Variants in CRMP1 observed in about 807,000 individuals in gnomAD.
CRMP1 encodes the protein dihydropyrimidinase-related protein 1.
A neutral mutation model predicts 68.3 loss-of-function variants in CRMP1; 19 were observed. That is an observed-to-expected ratio of 0.28 (90% CI 0.19 to 0.41). CRMP1 has a LOEUF of 0.41. Among genes scored for constraint, CRMP1 ranks in the 10% least tolerant of loss-of-function variants. The pLI is 1.00. For missense variants in CRMP1, 791 were observed against 967.4 expected (o/e 0.82, Z 2.42); for synonymous variants, 439 against 399.6 (o/e 1.10, Z -1.18).
chr4:5,821,841 T>C lies in CRMP1; in HGVS notation c.1980A>G (p.Ile660Met), dbSNP rs746005692. The C allele has an allele frequency of 1.3e-6, 2 of 1,585,118 alleles. No homozygotes were observed. Among genetic ancestry groups the C allele is most frequent in the Non-Finnish European group, 1.7e-6 (2 of 1,169,028 alleles). Residue 660 changes from isoleucine (I) to methionine (M), a missense_variant, in exon 14 of 14, where the codon ATA becomes ATG. This residue lies in a region of CRMP1 where 594 missense variants were observed against 763.6 expected (regional missense o/e 0.78). Transcript: ENST00000324989. This position sits in a 1 kb window ranked among gnomAD's most constrained non-coding sequence, Gnocchi z 4.4. ...QSNFSLSGAQ[I>M]DDNNPRRTGH... is the part of the protein sequence containing the mutation. ...CGGTGCGCCTGGGATTGTTGTCATC[T>C]ATCTGGGCACCTGAAAGAGAGCGCC...
rs115364905 is a variant in CRMP1 at position 5,854,970 on chromosome 4, C to T, written c.820+1173G>A. ...CACCGTAACAGGATTTATAATAAAA[C>T]GAATAGAAAGCATAAATGCCCAATA... On this transcript the variant is annotated intron_variant, in intron 4 of 13. Coordinates refer to ENST00000324989, the MANE Select transcript of CRMP1 (RefSeq NM_001014809.3). The surrounding 1 kb of genome is among the most constrained non-coding windows in gnomAD (Gnocchi z 4.0). 7.6e-3 allele frequency among the ~76,000 whole-genome samples: 1,162 copies of T among 151,964 alleles called. 13 individuals carry two copies. The highest frequency in any genetic ancestry group is 0.014 in the Middle Eastern group (4 of 294).
At chr4:5,887,488 C>T in intron 1 of CRMP1, 3 of 985,550 alleles carry the variant, frequency 3.0e-6, no homozygotes, top group Non-Finnish European at 3.6e-6. Context: ...GCTGCGCCCT[C>T]AGCTCCCCAC....
At chr4:5,868,265 A>C (rs758105348) in intron 1 of CRMP1, among the ~76,000 whole-genome samples, 63 of 12,782 alleles carry the variant, frequency 4.9e-3, no homozygotes, top group East Asian at 0.012. Flanking sequence ...ATATATCTAT[A>C]TATATATATA....
chr4:5,851,565 G>A lies in CRMP1; in HGVS notation c.821-96C>T, dbSNP rs949434182. 100 of 1,243,292 alleles carry A rather than the reference G, an allele frequency of 8.0e-5. 1 individual carries two copies. In the East Asian group the frequency reaches 2.1e-3, roughly 26 times the overall value. The allele number at this position is 1,243,292 out of a possible 1,614,324, so 77.0% of individuals were successfully genotyped here. A position where few individuals can be genotyped will look rare whatever the true frequency, so the allele number is the denominator to read the frequency against. ...ATGACCACAGAGCAGAGTGGTAGTCGCCAGGAGAGATGAGTGCCATTGGGA... is the reference window on the plus strand; with the variant it reads ...ATGACCACAGAGCAGAGTGGTAGTCACCAGGAGAGATGAGTGCCATTGGGA... On this transcript the variant is annotated intron_variant, in intron 4 of 13. Coordinates refer to ENST00000324989, the MANE Select transcript of CRMP1 (RefSeq NM_001014809.3).
chr4:5,881,762 A>C lies in CRMP1; in HGVS notation c.381+10827T>G, dbSNP rs1162978099. Among the ~76,000 whole-genome samples the C allele has an allele frequency of 6.6e-6, 1 of 152,164 alleles. No individual in the cohort carries two copies. Among genetic ancestry groups the C allele is most frequent in the Non-Finnish European group, 1.5e-5 (1 of 68,016 alleles). On this transcript the variant is annotated intron_variant, in intron 1 of 13. Transcript: ENST00000324989. The surrounding 1 kb of genome is among the most constrained non-coding windows in gnomAD (Gnocchi z 4.6). ...AACATAAATTTTAAACGCTGATCAA[A>C]ATTTAGCCACACATCGGCAGAGAAT...
chr4:5,851,902 AAGG>A (rs766987348), intron 4 of CRMP1, among the ~76,000 whole-genome samples: 2 of 145,010 alleles, frequency 1.4e-5, no homozygotes, highest in South Asian at 2.3e-4. Context: ...GAGGAAGAAA[AAGG>A]AGAAAGAGAA....
Position 5,853,604 on chromosome 4 carries a change from G to A in CRMP1, c.821-2135C>T, listed in dbSNP as rs140761252. ...TCCCACTACCGGCTGAAAATCCAAA[G>A]GAATTGAAATCAGAATACCCAGGGG... is the stretch of plus-strand genomic sequence containing the variant. On this transcript the variant is annotated intron_variant, in intron 4 of 13. Coordinates refer to ENST00000324989, the MANE Select transcript of CRMP1 (RefSeq NM_001014809.3). The surrounding 1 kb of genome is among the most constrained non-coding windows in gnomAD (Gnocchi z 4.7). Among the ~76,000 whole-genome samples, 11 of 152,164 alleles carry A rather than the reference G, an allele frequency of 7.2e-5. No individual in the cohort carries two copies. Among genetic ancestry groups the A allele is most frequent in the Non-Finnish European group, 1.6e-4 (11 of 68,042 alleles).
rs1417557034 is a variant in CRMP1, at chr4:5,833,412, C to T, written c.1623+2503G>A. On this transcript the variant is annotated intron_variant, in intron 11 of 13. Coordinates refer to ENST00000324989, the MANE Select transcript of CRMP1 (RefSeq NM_001014809.3). ...CGATCTCCTGACCTCGTGATCCGCC[C>T]GCCTCGGCCTCCCAAAGTGCTGGGA... Among the ~76,000 whole-genome samples the T allele has an allele frequency of 1.8e-4, 16 of 86,692 alleles. 5 individuals are homozygous for T. Among genetic ancestry groups the T allele is most frequent in the African/African-American group, 6.5e-4 (13 of 19,978 alleles). 56.9% of individuals were successfully genotyped at this position (86,692 alleles called of 152,430 possible). A position where few individuals can be genotyped will look rare whatever the true frequency, so the allele number is the denominator to read the frequency against.
chr4:5,866,510 G>A lies in CRMP1; in HGVS notation c.470+158C>T, dbSNP rs73797942. Among the ~76,000 whole-genome samples, 1,478 of 152,268 alleles carry A rather than the reference G, an allele frequency of 9.7e-3. 28 individuals carry two copies. The highest frequency in any genetic ancestry group is 0.034 in the African/African-American group (1,415 of 41,570). On this transcript the variant is annotated intron_variant, in intron 2 of 13. Coordinates refer to ENST00000324989, the MANE Select transcript of CRMP1 (RefSeq NM_001014809.3). The surrounding 1 kb of genome is among the most constrained non-coding windows in gnomAD (Gnocchi z 5.9). ...AGAAATGCCAGCCCCTTCTCCACCC[G>A]CAGTGTGCACCTCCCCCAACCTCTG...
chr4:5,892,460 C>G lies in CRMP1; in HGVS notation c.381+129G>C. The G allele has an allele frequency of 2.1e-6, 2 of 949,336 alleles. No homozygotes were observed. The highest frequency in any genetic ancestry group is 2.6e-6 in the Non-Finnish European group (2 of 758,356). The allele number at this position is 949,336 out of a possible 1,614,324, so 58.8% of individuals were successfully genotyped here. On this transcript the variant is annotated intron_variant, in intron 1 of 13. Coordinates refer to ENST00000324989, the MANE Select transcript of CRMP1 (RefSeq NM_001014809.3). The surrounding 1 kb of genome is among the most constrained non-coding windows in gnomAD (Gnocchi z 8.6). Reference sequence around the variant, plus strand: ...TGATGAGGTGGGGGAGGGGCCGCGCCGTGGCTCTCCCCAGCCTGGCGGCCG... The same window carrying G: ...TGATGAGGTGGGGGAGGGGCCGCGCGGTGGCTCTCCCCAGCCTGGCGGCCG...
rs990839422 is a variant in CRMP1, at chr4:5,860,748, A to G, written c.655+278T>C. ...GACTTCAGTCTCATGCTAAGCGATT[A>G]TATCAATGAGATGTTGTTTTATTTC... On this transcript the variant is annotated intron_variant, in intron 3 of 13. Transcript: ENST00000324989. This position sits in a 1 kb window ranked among gnomAD's most constrained non-coding sequence, Gnocchi z 4.2. 7.9e-5 allele frequency among the ~76,000 whole-genome samples: 12 copies of G among 152,148 alleles called. No homozygotes were observed. The highest frequency in any genetic ancestry group is 2.4e-4 in the African/African-American group (10 of 41,414).
intron 1 of CRMP1, among the ~76,000 whole-genome samples, chr4:5,868,907 T>C (rs971184147): frequency 1.3e-5 from 2 of 152,210 alleles, no homozygotes; most frequent in African/African-American, 4.8e-5. Flanking sequence ...ACGAAAACAC[T>C]AAGCACTCTT....
chr4:5,825,726 G>T lies in CRMP1; in HGVS notation c.1804-67C>A. 1 of 1,542,394 alleles carries T rather than the reference G, an allele frequency of 6.5e-7. No individual in the cohort carries two copies. ...ATGTGTGCCCTTCTGGGCAGATAAA[G>T]CAGAGCCCTGCGGGCGAGAGAGAAA... On this transcript the variant is annotated intron_variant, in intron 12 of 13. Transcript: ENST00000324989. This position sits in a 1 kb window ranked among gnomAD's most constrained non-coding sequence, Gnocchi z 4.4.
rs1277314109 is a variant in CRMP1 at position 5,821,336 on chromosome 4, C to T, written c.*424G>A. ...GCATCGTGTCTCAGTCAGTCCTTGG[C>T]GATGTCCCCTCAGACGCACTCACAG... On this transcript the variant is annotated 3_prime_UTR_variant, in exon 14 of 14. Coordinates refer to ENST00000324989, the MANE Select transcript of CRMP1 (RefSeq NM_001014809.3). The surrounding 1 kb of genome is among the most constrained non-coding windows in gnomAD (Gnocchi z 4.4). 3.0e-5 allele frequency: 5 copies of T among 168,702 alleles called. No homozygotes were observed. Among genetic ancestry groups the T allele is most frequent in the African/African-American group, 9.4e-5 (4 of 42,552 alleles). The allele number at this position is 168,702 out of a possible 1,614,324, so 10.5% of individuals were successfully genotyped here.
chr4:5,841,158 C>T lies in CRMP1; in HGVS notation c.1153+150G>A. The T allele has an allele frequency of 8.4e-7, 1 of 1,187,868 alleles. No individual in the cohort carries two copies. The highest frequency in any genetic ancestry group is 1.2e-6 in the Non-Finnish European group (1 of 826,542). The allele number at this position is 1,187,868 out of a possible 1,614,324, so 73.6% of individuals were successfully genotyped here. ...TAAGGTCATTGGGACCAAAGAATTC[C>T]AGCCACCATCCTTGTGTCAGGAGCA... is the stretch of plus-strand genomic sequence containing the variant. On this transcript the variant is annotated intron_variant, in intron 8 of 13. Coordinates refer to ENST00000324989, the MANE Select transcript of CRMP1 (RefSeq NM_001014809.3). This position sits in a 1 kb window ranked among gnomAD's most constrained non-coding sequence, Gnocchi z 6.9.
chr4:5,835,871 C>A (rs369142243), intron 11 of CRMP1, 44 bp downstream of exon 11: 2 of 1,382,628 alleles, frequency 1.4e-6, no homozygotes, highest in Non-Finnish European at 9.5e-7. Flanking sequence ...ATGATTACAA[C>A]GAAGAATCAC....
In CRMP1 at chr4:5,872,838, CTTGTGTCAGCA is replaced by C. The variant is rs1381617521; in HGVS notation, c.382-6093_382-6083del. Among the ~76,000 whole-genome samples, 1 of 152,320 alleles carries C rather than the reference CTTGTGTCAGCA, an allele frequency of 6.6e-6. No individual in the cohort carries two copies. Among genetic ancestry groups the C allele is most frequent in the East Asian group, 1.9e-4 (1 of 5,182 alleles). The stretch of plus-strand genomic sequence containing the variant: ...AATGACCTTTAGAGCAAATCATGTT[CTTGTGTCAGCA>C]CCACTTAAAAGCAAAACGTCCACAC... On this transcript the variant is annotated intron_variant, in intron 1 of 13. Coordinates refer to ENST00000324989, the MANE Select transcript of CRMP1 (RefSeq NM_001014809.3). This position sits in a 1 kb window ranked among gnomAD's most constrained non-coding sequence, Gnocchi z 4.6.
chr4:5,866,808 GTT>G lies in CRMP1; in HGVS notation c.382-54_382-53del. 7.4e-7 allele frequency: 1 copy of G among 1,349,556 alleles called. No homozygotes were observed. The highest frequency in any genetic ancestry group is 1.0e-6 in the Non-Finnish European group (1 of 983,118). 83.6% of individuals were successfully genotyped at this position (1,349,556 alleles called of 1,614,324 possible). On this transcript the variant is annotated intron_variant, in intron 1 of 13. Coordinates refer to ENST00000324989, the MANE Select transcript of CRMP1 (RefSeq NM_001014809.3). This position sits in a 1 kb window ranked among gnomAD's most constrained non-coding sequence, Gnocchi z 5.9. Reference sequence around the variant, plus strand: ...ATCCTTGGTGAAAAGCCAGGATAAAGTTTTTTCTTTTTAATTTTTAATATAAG... The same window carrying G: ...ATCCTTGGTGAAAAGCCAGGATAAAGTTTTCTTTTTAATTTTTAATATAAG...
In CRMP1 at chr4:5,888,737, T is replaced by C. The variant is rs1715792023; in HGVS notation, c.381+3852A>G. 1.6e-6 allele frequency: 1 copy of C among 628,394 alleles called. No homozygotes were observed. Among genetic ancestry groups the C allele is most frequent in the Non-Finnish European group, 2.0e-6 (1 of 504,358 alleles). The allele number at this position is 628,394 out of a possible 1,614,324, so 38.9% of individuals were successfully genotyped here. On this transcript the variant is annotated intron_variant, in intron 1 of 13. Coordinates refer to ENST00000324989, the MANE Select transcript of CRMP1 (RefSeq NM_001014809.3). The surrounding 1 kb of genome is among the most constrained non-coding windows in gnomAD (Gnocchi z 6.4). ...GAGAGTATGGTTTTCAGGGCTCCTTTAAAAGAAAAAGACGGCGCGGTCAGG... is the reference window on the plus strand; with the variant it reads ...GAGAGTATGGTTTTCAGGGCTCCTTCAAAAGAAAAAGACGGCGCGGTCAGG...
Sources: allele counts gnomAD v4.1 joint callset (sites outside exome capture counted in the v4.1 genomes callset), GRCh38; gene constraint gnomAD v4.1.1; regional missense constraint gnomAD v4.1.1; non-coding constraint Gnocchi (gnomAD v3.1); transcripts MANE v1.5; gene names NCBI Gene and HGNC (gene_info 2026-07-23, HGNC 2026-07-21).